HAUS7: variants seen among roughly 807,000 people sequenced by gnomAD.
HAUS7 encodes HAUS augmin-like complex subunit 7.
HAUS7 carries 3 observed loss-of-function variants against 28.4 expected under a neutral mutation model. That is an observed-to-expected ratio of 0.11 (90% CI 0.05 to 0.27). The LOEUF (loss-of-function observed/expected upper bound fraction) is 0.27, where lower values mean the gene tolerates loss of function less well. HAUS7 is among the 10% of genes least tolerant of loss of function. The probability of loss-of-function intolerance (pLI) is 1.00; values close to 1 mark genes in which losing one functional copy is unlikely to be tolerated. For missense variants in HAUS7, 284 were observed against 297.3 expected, an observed-to-expected ratio of 0.96 and a Z score of 0.33; for synonymous variants, 165 against 132.1, an observed-to-expected ratio of 1.25 and a Z score of -1.71.
At chrX:153,472,995 G>A (rs1456210160), upstream of HAUS7, among the ~76,000 whole-genome samples, 1 of 111,963 alleles carries the variant, frequency 8.9e-6, no homozygotes, top group Non-Finnish European at 1.9e-5. Context: ...GTTGGAAAAT[G>A]AGACTGGTTC....
intron 4 of HAUS7, among the ~76,000 whole-genome samples, chrX:153,459,595 C>T (rs2089361229): frequency 1.8e-5 from 2 of 111,992 alleles, no homozygotes; most frequent in African/African-American, 3.3e-5. Context: ...GTCCCTCGGA[C>T]GTGACCCAAG....
chrX:153,489,010 C>T (rs918730779), intron 1 of HAUS7, among the ~76,000 whole-genome samples: 5 of 112,801 alleles, frequency 4.4e-5, no homozygotes, highest in African/African-American at 1.3e-4. Context: ...AATGTACCTG[C>T]GGGCTCTTGG....
chrX:153,486,834 C>T (rs2089642086), intron 1 of HAUS7: 1 of 975,469 alleles, frequency 1.0e-6, no homozygotes, highest in African/African-American at 2.0e-5. Context: ...CTTCCTCCAG[C>T]ACACACTCTG....
intron 1 of HAUS7, chrX:153,483,284 A>G: frequency 5.3e-6 from 4 of 753,702 alleles, no homozygotes; most frequent in Non-Finnish European, 6.3e-6. Context: ...CCCTCACCCC[A>G]ACCCCTGACC....
At chrX:153,473,503 C>G (rs2089542748), upstream of HAUS7, among the ~76,000 whole-genome samples, 1 of 113,310 alleles carries the variant, frequency 8.8e-6, no homozygotes, top group Admixed American at 9.2e-5. Context: ...TCACCCCCCA[C>G]CCCTGGCCAC....
intron 3 of HAUS7, 143 bp downstream of exon 3, chrX:153,464,845 G>T: frequency 2.0e-6 from 1 of 500,394 alleles, no homozygotes; most frequent in East Asian, 3.4e-5. Context: ...GCCATGCCTA[G>T]GGAAGGGTGG....
chrX:153,484,166 C>A (rs782592202), intron 1 of HAUS7, among the ~76,000 whole-genome samples: 1 of 112,012 alleles, frequency 8.9e-6, no homozygotes, highest in South Asian at 3.7e-4. Context: ...GTCTCCCCTG[C>A]GTGTCTCCCT....
At chrX:153,494,666 G>A (rs1223125199) in intron 1 of HAUS7, among the ~76,000 whole-genome samples, 1 of 102,598 alleles carries the variant, frequency 9.7e-6, no homozygotes, top group Non-Finnish European at 2.0e-5. Context: ...GCAGTGGAAA[G>A]TTTGACTCTC....
intron 1 of HAUS7, among the ~76,000 whole-genome samples, chrX:153,493,460 C>T (rs993096014): frequency 4.5e-5 from 5 of 111,967 alleles, no homozygotes; most frequent in Non-Finnish European, 7.5e-5. Flanking sequence ...AAGAGTCGGA[C>T]GCTGAGGCTG....
intron 2 of HAUS7, among the ~76,000 whole-genome samples, chrX:153,468,372 A>G (rs1271067645): frequency 3.6e-5 from 4 of 112,452 alleles, no homozygotes; most frequent in Non-Finnish European, 7.5e-5. Flanking sequence ...GCTGTTCCTG[A>G]GCATGGCCTG....
chrX:153,480,441 C>A, intron 1 of HAUS7: 1 of 281,549 alleles, frequency 3.6e-6, no homozygotes, highest in Non-Finnish European at 4.8e-6. Flanking sequence ...GTTCTCTCGC[C>A]AGTGCTCCTC....
intron 2 of HAUS7, among the ~76,000 whole-genome samples, chrX:153,467,557 C>T (rs1903274266): frequency 8.9e-6 from 1 of 111,844 alleles, no homozygotes; most frequent in African/African-American, 3.3e-5. Flanking sequence ...TGTTACCGTC[C>T]CCATCCCAGA....
chrX:153,475,781 G>A (rs916110327), intron 1 of HAUS7, among the ~76,000 whole-genome samples: 1 of 110,350 alleles, frequency 9.1e-6, no homozygotes, highest in Non-Finnish European at 1.9e-5. Flanking sequence ...GGCTGCCCTG[G>A]GCCCTGGGAA....
At chrX:153,449,715 CCT>C (rs2124052044) in intron 9 of HAUS7, among the ~76,000 whole-genome samples, 1 of 112,288 alleles carries the variant, frequency 8.9e-6, no homozygotes, top group South Asian at 3.7e-4. Context: ...TTCCATCTAC[CCT>C]GTGCTCGGCG....
chrX:153,491,563 T>C (rs2089671259), intron 1 of HAUS7, among the ~76,000 whole-genome samples: 1 of 112,849 alleles, frequency 8.9e-6, no homozygotes, highest in East Asian at 2.8e-4. Flanking sequence ...TTCCGTCCCA[T>C]GGCTGCCGCC....
At chrX:153,463,072 C>T (rs1556983699) in intron 3 of HAUS7, 6 of 346,379 alleles carry the variant, frequency 1.7e-5, no homozygotes, top group South Asian at 1.3e-4. Flanking sequence ...GACCTTCGTG[C>T]CATCATCTGC....
chrX:153,462,480 C>A, intron 4 of HAUS7, 130 bp downstream of exon 4: 2 of 572,102 alleles, frequency 3.5e-6, no homozygotes, highest in South Asian at 2.7e-5. Flanking sequence ...ACCCAGCCGG[C>A]CCCAGGGCCT....
intron 4 of HAUS7, among the ~76,000 whole-genome samples, chrX:153,458,848 C>G (rs1225139593): frequency 2.7e-5 from 3 of 111,969 alleles, no homozygotes; most frequent in African/African-American, 9.7e-5. Flanking sequence ...GCCTTGAACT[C>G]CTGGGCTCTA....
rs1556983642 is a variant in HAUS7, at chrX:153,462,739, G to C, written c.293-68C>G. The C allele has an allele frequency of 3.5e-6, 3 of 867,240 alleles. No individual in the cohort carries two copies. In the African/African-American group the frequency reaches 5.9e-5, roughly 17 times the overall value. 71.5% of individuals were successfully genotyped at this position (867,240 alleles called of 1,213,427 possible). The stretch of plus-strand genomic sequence containing the variant: ...GACAGCAGGGGACAGCAGACACCCA[G>C]GAAGCCCAGCACCCACAGACTAGAC... On this transcript the variant is annotated intron_variant, in intron 3 of 9. Coordinates refer to ENST00000370211, the MANE Select transcript of HAUS7 (RefSeq NM_001385482.1).
Sources: gnomAD v4.1 joint callset for allele counts (sites outside exome capture counted in the v4.1 genomes callset) on GRCh38, gnomAD v4.1.1 for gene constraint, MANE v1.5 for transcripts, NCBI Gene and HGNC (gene_info 2026-07-23, HGNC 2026-07-21) for gene names.